Variants in USP49 observed in about 807,000 individuals in gnomAD.
USP49 encodes the protein ubiquitin carboxyl-terminal hydrolase 49.
USP49 carries 24 observed loss-of-function variants against 58.6 expected under a neutral mutation model. The ratio of observed to expected loss-of-function variants is 0.41; its 90% CI spans 0.30 to 0.58. The LOEUF (loss-of-function observed/expected upper bound fraction) is 0.58. Ranked by LOEUF, USP49 falls within the 20% of genes least tolerant of loss-of-function variation. The probability of loss-of-function intolerance (pLI) is 0.30; values close to 1 mark genes in which losing one functional copy is unlikely to be tolerated. For synonymous variants in USP49, 408 were observed against 365.1 expected (o/e 1.12, Z -1.34); for missense variants, 703 against 866.1 (o/e 0.81, Z 2.36).
chr6:41,818,607 T>C (rs1773399523), intron 3 of USP49, among the ~76,000 whole-genome samples: 1 of 152,216 alleles, frequency 6.6e-6, no homozygotes, highest in Non-Finnish European at 1.5e-5. Context: ...TTTGTCCCAC[T>C]GCTTAGGCCC....
At chr6:41,866,465 T>C (rs1395643292) in intron 3 of USP49, among the ~76,000 whole-genome samples, 2 of 152,154 alleles carry the variant, frequency 1.3e-5, no homozygotes, top group African/African-American at 2.4e-5. Flanking sequence ...CAGTTAATAA[T>C]GTAAAACAAA....
intron 2 of USP49, among the ~76,000 whole-genome samples, chr6:41,882,699 G>C (rs1774633418): frequency 6.6e-6 from 1 of 152,000 alleles, no homozygotes; most frequent in Non-Finnish European, 1.5e-5. Context: ...GGCACATCAT[G>C]AGGTCAGGAG....
At chr6:41,862,825 G>A (rs978350088) in intron 3 of USP49, among the ~76,000 whole-genome samples, 18 of 152,280 alleles carry the variant, frequency 1.2e-4, no homozygotes, top group Non-Finnish European at 2.5e-4. Flanking sequence ...CCAGACTGGA[G>A]TGCAATGGTG....
intron 3 of USP49, among the ~76,000 whole-genome samples, chr6:41,863,542 C>T (rs879569650): frequency 1.3e-5 from 2 of 152,160 alleles, no homozygotes; most frequent in Admixed American, 6.5e-5. Context: ...TACTGATTCC[C>T]CTGCTTAAAA....
rs780457591 is a variant in USP49, at chr6:41,866,796, G to A, written c.-29+4768C>T. 5.9e-5 allele frequency among the ~76,000 whole-genome samples: 9 copies of A among 152,178 alleles called. No individual in the cohort carries two copies. The East Asian group carries it at 1.2e-3, about 20-fold the overall frequency. On this transcript the variant is annotated intron_variant, in intron 3 of 7. Transcript: ENST00000682992. ...CTTCATTGCACACTCGTAAGAGAAC[G>A]AGGGTAGAAATTCTAGAATTGTTAT...
chr6:41,796,456 G>A lies in USP49; in HGVS notation c.*77C>T. On this transcript the variant is annotated 3_prime_UTR_variant, in exon 8 of 8. Coordinates refer to ENST00000682992, the MANE Select transcript of USP49 (RefSeq NM_001286554.2). ...GCAAACCTAGTAATCTGTTCCTGCA[G>A]TAGCCTTATTTCCTATAAGAGGAAA... 1.5e-6 allele frequency: 1 copy of A among 667,652 alleles called. No individual in the cohort carries two copies. Among genetic ancestry groups the A allele is most frequent in the South Asian group, 1.7e-5 (1 of 59,352 alleles). The allele number at this position is 667,652 out of a possible 1,614,324, so 41.4% of individuals were successfully genotyped here. A position where few individuals can be genotyped will look rare whatever the true frequency, so the allele number is the denominator to read the frequency against.
Position 41,871,578 on chromosome 6 carries a change from T to A in USP49, c.-43A>T, listed in dbSNP as rs1289051785. On this transcript the variant is annotated 5_prime_UTR_variant, in exon 3 of 8. Coordinates refer to ENST00000682992, the MANE Select transcript of USP49 (RefSeq NM_001286554.2). Reference sequence around the variant, plus strand: ...TTATTTCTTACCCATTAAACAAGTTTTTTCCATCTTCTTCCATATTATTCC... The same window carrying A: ...TTATTTCTTACCCATTAAACAAGTTATTTCCATCTTCTTCCATATTATTCC... The A allele has an allele frequency of 6.6e-6, 1 of 152,212 alleles. No homozygotes were observed. Among genetic ancestry groups the A allele is most frequent in the Non-Finnish European group, 1.5e-5 (1 of 68,040 alleles). The allele number at this position is 152,212 out of a possible 1,614,324, so 9.4% of individuals were successfully genotyped here.
At chr6:41,850,974 A>G (rs1213295350) in intron 3 of USP49, among the ~76,000 whole-genome samples, 4 of 152,208 alleles carry the variant, frequency 2.6e-5, no homozygotes, top group Admixed American at 2.0e-4. Context: ...AAAAAAACCA[A>G]TGAGTAAGGA....
chr6:41,870,705 T>TTTTTTTTTTTA (rs1774399321), intron 3 of USP49, among the ~76,000 whole-genome samples: 1 of 149,552 alleles, frequency 6.7e-6, no homozygotes, highest in Non-Finnish European at 1.5e-5. Context: ...TTTTTTTTTT[T>TTTTTTTTTTTA]GGTAGAGATG....
In USP49 at chr6:41,845,752, A is replaced by AT. The variant is rs35988793; in HGVS notation, c.-29+25811dup. On this transcript the variant is annotated intron_variant, in intron 3 of 7. Coordinates refer to ENST00000682992, the MANE Select transcript of USP49 (RefSeq NM_001286554.2). ...ATGTCCTTTAAATAATTTTTTAAAT[A>AT]TTTTTTTTTTCCAGAACTACATTTT... Among the ~76,000 whole-genome samples, 103 of 150,670 alleles carry AT rather than the reference A, an allele frequency of 6.8e-4. 1 individual carries two copies. The highest frequency in any genetic ancestry group is 3.4e-3 in the Middle Eastern group (1 of 290).
intron 3 of USP49, among the ~76,000 whole-genome samples, 156 bp from the exon 4 acceptor site, chr6:41,807,167 T>TA (rs934142638): frequency 6.6e-5 from 10 of 151,200 alleles, no homozygotes; most frequent in Non-Finnish European, 1.0e-4. Context: ...CTTTGAAAGT[T>TA]AAAAAAAGGC....
At chr6:41,836,248 TAAAG>T (rs1773725623) in intron 3 of USP49, among the ~76,000 whole-genome samples, 1 of 151,952 alleles carries the variant, frequency 6.6e-6, no homozygotes, top group South Asian at 2.1e-4. Flanking sequence ...CCTGACCACA[TAAAG>T]AAAACTAAAA....
At chr6:41,869,915 C>G (rs1774385067) in intron 3 of USP49, among the ~76,000 whole-genome samples, 1 of 152,212 alleles carries the variant, frequency 6.6e-6, no homozygotes, top group Admixed American at 6.5e-5. Context: ...ACATCATATA[C>G]ACCCTAAGAT....
Position 41,793,118 on chromosome 6 carries a change from T to A in USP49, c.*3415A>T, listed in dbSNP as rs1405827037. ...CAGCCAGAGTAGCAAACTCATACAA[T>A]CATTGACTCTAGAAGCCTTGCCATT... is the stretch of plus-strand genomic sequence containing the variant. On this transcript the variant is annotated 3_prime_UTR_variant, in exon 8 of 8. Transcript: ENST00000682992. 1 of 152,216 alleles carries A rather than the reference T, an allele frequency of 6.6e-6. No homozygotes were observed. Among genetic ancestry groups the A allele is most frequent in the Non-Finnish European group, 1.5e-5 (1 of 68,064 alleles). 9.4% of individuals were successfully genotyped at this position (152,216 alleles called of 1,614,324 possible).
chr6:41,806,412 T>TCGCGCCGCCGCCTC lies in USP49; in HGVS notation c.558_571dup (p.Glu191GlyfsTer7), dbSNP rs769759791. 1 of 1,568,926 alleles carries TCGCGCCGCCGCCTC rather than the reference T, an allele frequency of 6.4e-7. No individual in the cohort carries two copies. Among genetic ancestry groups the TCGCGCCGCCGCCTC allele is most frequent in the Admixed American group, 1.8e-5 (1 of 56,198 alleles). ...CTCCTCCAGCAGCCGCCGTTTCACC[T>TCGCGCCGCCGCCTC]CGCGCCGCCGCCTCCGCGCCTCCTC... On this transcript the variant is annotated frameshift_variant, in exon 4 of 8. Coordinates refer to ENST00000682992, the MANE Select transcript of USP49 (RefSeq NM_001286554.2). LOFTEE classifies it high-confidence loss of function. This position sits in a 1 kb window ranked among gnomAD's most constrained non-coding sequence, Gnocchi z 5.9.
intron 2 of USP49, among the ~76,000 whole-genome samples, chr6:41,888,777 C>G (rs1774761858): frequency 6.6e-6 from 1 of 151,976 alleles, no homozygotes; most frequent in African/African-American, 2.4e-5. Context: ...TTACATTTGT[C>G]AGAATACAGT....
chr6:41,865,962 G>A lies in USP49; in HGVS notation c.-29+5602C>T, dbSNP rs1053257287. Among the ~76,000 whole-genome samples the A allele has an allele frequency of 1.7e-4, 19 of 110,706 alleles. No individual in the cohort carries two copies. In the Admixed American group the frequency reaches 1.7e-3, roughly 10 times the overall value. The allele number at this position is 110,706 out of a possible 152,430, so 72.6% of individuals were successfully genotyped here. A position where few individuals can be genotyped will look rare whatever the true frequency, so the allele number is the denominator to read the frequency against. ...TTTTTAGACAGAGTCTCCCTCTGTC[G>A]CCAGGATGGAGTGCAGTGGCGCGAT... On this transcript the variant is annotated intron_variant, in intron 3 of 7. Coordinates refer to ENST00000682992, the MANE Select transcript of USP49 (RefSeq NM_001286554.2).
At chr6:41,885,627 T>G (rs1393031500) in intron 2 of USP49, among the ~76,000 whole-genome samples, 4 of 152,034 alleles carry the variant, frequency 2.6e-5, no homozygotes, top group African/African-American at 7.2e-5. Flanking sequence ...GTCGAAACCT[T>G]GTCTCTACTA....
chr6:41,881,212 G>A (rs1421735180), intron 2 of USP49, among the ~76,000 whole-genome samples: 2 of 144,028 alleles, frequency 1.4e-5, no homozygotes, highest in Non-Finnish European at 1.5e-5. Flanking sequence ...GATTACAGGC[G>A]TGAGCCACCC....
Sources: gnomAD v4.1 joint callset for allele counts (sites outside exome capture counted in the v4.1 genomes callset) on GRCh38, gnomAD v4.1.1 for gene constraint, Gnocchi (gnomAD v3.1) non-coding constraint, MANE v1.5 for transcripts, NCBI Gene and HGNC (gene_info 2026-07-23, HGNC 2026-07-21) for gene names.